The following NHSL2 variants were observed in gnomAD, a reference collection of about 807,000 sequenced individuals.
NHSL2 encodes the protein NHS-like protein 2.
In NHSL2, 27 loss-of-function variants were observed where a neutral mutation model predicts 53.4. That is an observed-to-expected ratio of 0.51 (90% CI 0.37 to 0.70). The LOEUF is 0.70. Among genes scored for constraint, NHSL2 ranks in the 30% least tolerant of loss-of-function variants. The pLI is 0.00. For missense variants in NHSL2, 892 were observed against 980.1 expected (o/e 0.91, Z 1.20); for synonymous variants, 408 against 404.1 (o/e 1.01, Z -0.12).
chrX:72,133,965 A>G, intron 2 of NHSL2, 126 bp from the exon 3 acceptor site: 1 of 679,736 alleles, frequency 1.5e-6, no homozygotes, highest in Non-Finnish European at 2.2e-6. Flanking sequence ...ACACCTGGAA[A>G]TAGCCTAAAG....
At chrX:72,015,195 G>A (rs2042130745) in intron 1 of NHSL2, among the ~76,000 whole-genome samples, 1 of 111,214 alleles carries the variant, frequency 9.0e-6, no homozygotes, top group Admixed American at 9.6e-5. Context: ...GTCTCTTGCA[G>A]GTGTACATTC....
chrX:71,957,969 C>T (rs1383194941), intron 1 of NHSL2, among the ~76,000 whole-genome samples: 1 of 110,576 alleles, frequency 9.0e-6, no homozygotes, highest in Admixed American at 9.6e-5. Context: ...GGAGGAGGGA[C>T]GCTCACATCT....
chrX:71,964,033 A>ATTTG (rs1180284769), intron 1 of NHSL2, among the ~76,000 whole-genome samples: 1 of 49,805 alleles, frequency 2.0e-5, no homozygotes, highest in Admixed American at 2.8e-4. Context: ...ATGTGTATAT[A>ATTTG]TATATATATG....
intron 1 of NHSL2, among the ~76,000 whole-genome samples, chrX:72,089,857 CA>C (rs202226560): frequency 0.078 from 8,206 of 105,119 alleles, 279 homozygotes; most frequent in East Asian, 0.22. Context: ...ACTTATTGTA[CA>C]AAAAAAAAAT....
chrX:72,108,690 C>T (rs963494777), intron 1 of NHSL2, among the ~76,000 whole-genome samples: 1 of 112,366 alleles, frequency 8.9e-6, no homozygotes, highest in African/African-American at 3.2e-5. Context: ...CGTGAAATCC[C>T]GAGGCCTTGG....
intron 1 of NHSL2, among the ~76,000 whole-genome samples, chrX:72,114,221 C>T (rs2042117427): frequency 8.9e-6 from 1 of 112,175 alleles, no homozygotes; most frequent in Admixed American, 9.5e-5. Flanking sequence ...CTATGTTAAG[C>T]ATGTTTCGCT....
At chrX:72,107,061 A>G (rs1003018519) in intron 1 of NHSL2, among the ~76,000 whole-genome samples, 21 of 110,844 alleles carry the variant, frequency 1.9e-4, no homozygotes, top group African/African-American at 5.9e-4. Context: ...ATGTGTACCT[A>G]TGTAACAAAC....
At chrX:72,007,001 G>T (rs1009141217) in intron 1 of NHSL2, among the ~76,000 whole-genome samples, 1 of 112,344 alleles carries the variant, frequency 8.9e-6, no homozygotes, top group East Asian at 2.8e-4. Flanking sequence ...GCAGGGCAAA[G>T]AGGAAGTGGA....
chrX:71,939,462 A>T (rs1009526636), intron 1 of NHSL2, among the ~76,000 whole-genome samples: 1 of 112,173 alleles, frequency 8.9e-6, no homozygotes, highest in African/African-American at 3.2e-5. Context: ...GAAGGAATGG[A>T]TGAATCTCAG....
intron 1 of NHSL2, among the ~76,000 whole-genome samples, chrX:72,078,510 C>T (rs966394457): frequency 9.0e-6 from 1 of 111,730 alleles, no homozygotes; most frequent in African/African-American, 3.3e-5. Context: ...ACTCCCTTCT[C>T]TAGTTCTGCC....
intron 1 of NHSL2, among the ~76,000 whole-genome samples, chrX:72,033,203 T>G (rs1475807970): frequency 9.4e-6 from 1 of 106,904 alleles, no homozygotes; most frequent in Admixed American, 9.9e-5. Flanking sequence ...TTTTTTTTTT[T>G]GGGAGACAAA....
intron 1 of NHSL2, among the ~76,000 whole-genome samples, chrX:71,946,108 G>T (rs990759031): frequency 8.0e-5 from 9 of 112,089 alleles, no homozygotes; most frequent in African/African-American, 2.9e-4. Flanking sequence ...TAAGCAGGCA[G>T]TGATAGGACA....
In NHSL2 at chrX:72,139,873, G is replaced by A; in HGVS notation, c.2325G>A (p.Leu775=). ...PKSRLSFDLP[L]TSSPNLDLSG... ...CACGGCTATCATTTGACCTACCACTGACCTCTTCACCCAACCTGGATCTGT... is the reference window on the plus strand; with the variant it reads ...CACGGCTATCATTTGACCTACCACTAACCTCTTCACCCAACCTGGATCTGT... Residue 775 remains leucine, a synonymous_variant, in exon 6 of 8, where the codon CTG becomes CTA. Coordinates refer to ENST00000633930, the MANE Select transcript of NHSL2 (RefSeq NM_001013627.3). 1 of 1,210,986 alleles carries A rather than the reference G, an allele frequency of 8.3e-7. No individual in the cohort carries two copies. Among genetic ancestry groups the A allele is most frequent in the Non-Finnish European group, 1.1e-6 (1 of 895,037 alleles).
intron 1 of NHSL2, among the ~76,000 whole-genome samples, chrX:72,011,488 G>A (rs752478884): frequency 7.2e-5 from 8 of 111,860 alleles, no homozygotes; most frequent in Non-Finnish European, 1.1e-4. Flanking sequence ...TGGCCAACAC[G>A]GTGAAACCCC....
chrX:72,092,194 A>G (rs1369684766), intron 1 of NHSL2, among the ~76,000 whole-genome samples: 1 of 111,673 alleles, frequency 9.0e-6, no homozygotes, highest in African/African-American at 3.3e-5. Context: ...GAATTAATGC[A>G]TAAGTGAACC....
At position 72,149,616 on chromosome X, in the gene NHSL2, G is replaced by A. The variant is rs1451289989; in HGVS notation, c.*6042G>A. 1.8e-5 allele frequency: 2 copies of A among 112,179 alleles called. No homozygotes were observed. The highest frequency in any genetic ancestry group is 3.8e-5 in the Non-Finnish European group (2 of 53,232). The allele number at this position is 112,179 out of a possible 1,213,427, so 9.2% of individuals were successfully genotyped here. ...CGAAGAAATATCAATATATGTATGT[G>A]CTGAGGTCTTCTGATGAATTGTAAA... On this transcript the variant is annotated 3_prime_UTR_variant, in exon 8 of 8. Transcript: ENST00000633930.
In NHSL2 at chrX:72,134,228, C is replaced by T; in HGVS notation, c.564+10C>T. The T allele has an allele frequency of 8.6e-7, 1 of 1,162,995 alleles. No homozygotes were observed. Among genetic ancestry groups the T allele is most frequent in the East Asian group, 3.3e-5 (1 of 30,704 alleles). ...GGAGTTTATATTGATGGTGAGTTGC[C>T]TCATCCCCCACCTGGGAGAGCCAGC... On this transcript the variant is annotated intron_variant, in intron 3 of 7. Coordinates refer to ENST00000633930, the MANE Select transcript of NHSL2 (RefSeq NM_001013627.3).
At position 72,140,027 on chromosome X, in the gene NHSL2, G is replaced by C; in HGVS notation, c.2479G>C (p.Asp827His). The C allele has an allele frequency of 8.3e-7, 1 of 1,210,088 alleles. No homozygotes were observed. Among genetic ancestry groups the C allele is most frequent in the South Asian group, 1.8e-5 (1 of 56,579 alleles). The change falls in exon 6 of 8, where the codon GAC (aspartate) becomes CAC (histidine). Residue 827 changes from aspartate to histidine, a missense_variant. Physicochemically the swap from Asp to His is moderately conservative, Grantham distance 81. Transcript: ENST00000633930. ...QPIMPMVTQS[D>H]LRSVRLRSVS... ...AATCATGCCTATGGTTACTCAGTCCGACCTACGTTCTGTTCGCCTGAGGTC... is the reference window on the plus strand; with the variant it reads ...AATCATGCCTATGGTTACTCAGTCCCACCTACGTTCTGTTCGCCTGAGGTC...
chrX:72,105,705 CA>C (rs776947690), intron 1 of NHSL2, among the ~76,000 whole-genome samples: 222 of 111,877 alleles, frequency 2.0e-3, no homozygotes, highest in African/African-American at 7.0e-3. Flanking sequence ...GGTCTGCTCA[CA>C]AGGCCTGTGA....
Sources: allele counts gnomAD v4.1 joint callset (sites outside exome capture counted in the v4.1 genomes callset), GRCh38; gene constraint gnomAD v4.1.1; transcripts MANE v1.5; gene names NCBI Gene and HGNC (gene_info 2026-07-23, HGNC 2026-07-21).